Variants in DDX10 observed in about 807,000 individuals in gnomAD.
DDX10 encodes the protein probable ATP-dependent RNA helicase DDX10.
A neutral mutation model predicts 104.3 loss-of-function variants in DDX10; 74 were observed. That is an observed-to-expected ratio of 0.71 (90% CI 0.59 to 0.86). DDX10 has a LOEUF of 0.86. DDX10 is among the 40% of genes least tolerant of loss of function. DDX10 has a pLI of 0.00. For missense variants in DDX10, 952 were observed against 1,040.0 expected, an observed-to-expected ratio of 0.92 and a Z score of 1.16; for synonymous variants, 351 against 353.4, an observed-to-expected ratio of 0.99 and a Z score of 0.08.
At chr11:108,696,631 T>C (rs1219496772) in intron 9 of DDX10, among the ~76,000 whole-genome samples, 1 of 152,216 alleles carries the variant, frequency 6.6e-6, no homozygotes, top group African/African-American at 2.4e-5. Flanking sequence ...TCTGTGCTCC[T>C]GTGGGCCTCT....
intron 9 of DDX10, among the ~76,000 whole-genome samples, chr11:108,699,517 GTCT>G (rs1157271191): frequency 2.0e-5 from 3 of 152,076 alleles, no homozygotes; most frequent in South Asian, 2.1e-4. Flanking sequence ...TTTTCATCTG[GTCT>G]TCTTCACAGG....
rs2094301078 is a variant in DDX10, at chr11:108,723,328, A to T, written c.1831A>T (p.Ser611Cys). The change falls in exon 13 of 18, where the codon AGT becomes TGT. Residue 611 changes from serine (S) to cysteine (C), a missense_variant. This residue lies in a region of DDX10 where 533 missense variants were observed against 534.1 expected (regional missense o/e 1.00). Coordinates refer to ENST00000322536, the MANE Select transcript of DDX10 (RefSeq NM_004398.4). ...GSQAPSLPNT[S>C]EAQKIKEVPT... is the part of the protein sequence containing the mutation. ...TCAAGCCCCATCTCTTCCTAACACC[A>T]GTGAGGCACAGAAGATCAAGGAAGT... 2.5e-6 allele frequency: 4 copies of T among 1,613,900 alleles called. No individual in the cohort carries two copies. In the Admixed American group the frequency reaches 5.0e-5, roughly 20 times the overall value.
At chr11:108,756,036 T>C (rs1191354993) in intron 13 of DDX10, among the ~76,000 whole-genome samples, 1 of 151,970 alleles carries the variant, frequency 6.6e-6, no homozygotes, top group African/African-American at 2.4e-5. Flanking sequence ...AAAGGAAATA[T>C]TCCAAAGTCA....
chr11:108,922,863 A>T (rs1374718251), intron 17 of DDX10, among the ~76,000 whole-genome samples: 1 of 152,264 alleles, frequency 6.6e-6, no homozygotes, highest in Non-Finnish European at 1.5e-5. Context: ...CCTCAAAAAC[A>T]GAGCTGTGAA....
chr11:108,898,469 C>T (rs1045293285), intron 16 of DDX10, among the ~76,000 whole-genome samples: 4 of 151,806 alleles, frequency 2.6e-5, no homozygotes, highest in African/African-American at 4.8e-5. Context: ...AAAGCAAGCT[C>T]TCAAGGATGT....
chr11:108,720,003 A>G (rs2094296309), intron 12 of DDX10, 118 bp downstream of exon 12: 1 of 686,624 alleles, frequency 1.5e-6, no homozygotes, highest in South Asian at 1.6e-5. Flanking sequence ...CCTGTGCTCC[A>G]GCAGTCCACC....
In DDX10 at chr11:108,885,998, G is replaced by A. The variant is rs542145054; in HGVS notation, c.2305-31875G>A. Among the ~76,000 whole-genome samples the A allele has an allele frequency of 2.6e-5, 4 of 152,226 alleles. 1 individual carries two copies. In the South Asian group the frequency reaches 8.3e-4, roughly 32 times the overall value. On this transcript the variant is annotated intron_variant, in intron 16 of 17. Coordinates refer to ENST00000322536, the MANE Select transcript of DDX10 (RefSeq NM_004398.4). ...TGAGCTGATCCATAAAGGAATAATT[G>A]GATTTGGACATGTCAAGGGAAGAAG...
intron 13 of DDX10, among the ~76,000 whole-genome samples, chr11:108,837,458 A>G (rs542455503): frequency 9.9e-5 from 15 of 152,048 alleles, no homozygotes; most frequent in Middle Eastern, 3.4e-3. Flanking sequence ...CCAACCCCCT[A>G]TCTCAGGGGG....
At chr11:108,748,424 C>T (rs1003899727) in intron 13 of DDX10, among the ~76,000 whole-genome samples, 1 of 152,168 alleles carries the variant, frequency 6.6e-6, no homozygotes, top group Non-Finnish European at 1.5e-5. Context: ...CACTGTCAAC[C>T]ATCCTGGCCA....
chr11:108,905,318 G>GA (rs1565314609), intron 16 of DDX10, among the ~76,000 whole-genome samples: 1 of 148,800 alleles, frequency 6.7e-6, no homozygotes, highest in Non-Finnish European at 1.5e-5. Context: ...TTTAAGGGGG[G>GA]GGGGGGTTGA....
intron 16 of DDX10, among the ~76,000 whole-genome samples, chr11:108,868,723 C>T (rs1863039991): frequency 6.6e-6 from 1 of 152,040 alleles, no homozygotes; most frequent in Admixed American, 6.5e-5. Context: ...ATATGGGCAA[C>T]AAAAGTCCTT....
chr11:108,715,953 A>G lies in DDX10; in HGVS notation c.1397A>G (p.Glu466Gly). ...TTAGCTCAAGATCAAGATTTAAAAG[A>G]AAGAGCTCAAAGGGTAAGTCATTTT... The part of the protein sequence containing the change: ...SILAQDQDLK[E>G]RAQRCFVSYV... Residue 466 changes from glutamate to glycine, a missense_variant, in exon 11 of 18, where the codon GAA (glutamate) becomes GGA (glycine). Glu to Gly is a moderately conservative substitution (Grantham distance 98). Around this residue, in one of 3 missense-constraint regions of DDX10, gnomAD observed 533 missense variants for 534.1 expected, o/e 1.00. Coordinates refer to ENST00000322536, the MANE Select transcript of DDX10 (RefSeq NM_004398.4). The G allele has an allele frequency of 6.5e-7, 1 of 1,538,648 alleles. No individual in the cohort carries two copies. Among genetic ancestry groups the G allele is most frequent in the Non-Finnish European group, 9.0e-7 (1 of 1,115,420 alleles).
intron 3 of DDX10, 132 bp downstream of exon 3, chr11:108,675,858 C>T: frequency 1.8e-6 from 2 of 1,139,180 alleles, no homozygotes; most frequent in Non-Finnish European, 2.5e-6. Context: ...CGAGCTTCAT[C>T]AAACAGGAGC....
intron 13 of DDX10, among the ~76,000 whole-genome samples, chr11:108,726,147 A>AC (rs1230646070): frequency 1.3e-5 from 2 of 152,150 alleles, no homozygotes; most frequent in East Asian, 3.9e-4. Context: ...GCTTTATACT[A>AC]AGTCTTAAAT....
intron 16 of DDX10, among the ~76,000 whole-genome samples, chr11:108,861,568 T>G (rs1236417591): frequency 1.3e-5 from 2 of 152,190 alleles, no homozygotes; most frequent in East Asian, 3.9e-4. Context: ...GATACTCTAT[T>G]TACATAAAGG....
chr11:108,744,198 TGA>T (rs1200762111), intron 13 of DDX10, among the ~76,000 whole-genome samples: 2 of 152,180 alleles, frequency 1.3e-5, no homozygotes, highest in African/African-American at 4.8e-5. Context: ...CATTGTAAGT[TGA>T]GAGAGAGGGT....
At chr11:108,700,742 G>A (rs2094266684) in intron 9 of DDX10, among the ~76,000 whole-genome samples, 1 of 152,100 alleles carries the variant, frequency 6.6e-6, no homozygotes, top group Non-Finnish European at 1.5e-5. Flanking sequence ...CTAAGCCTCA[G>A]TTTCTTCTCT....
chr11:108,908,572 G>T (rs976167548), intron 16 of DDX10, among the ~76,000 whole-genome samples: 20 of 152,138 alleles, frequency 1.3e-4, no homozygotes, highest in Non-Finnish European at 2.8e-4. Context: ...CTGTATTTAG[G>T]CTTCTAATAT....
At chr11:108,739,897 C>T (rs1438452075) in intron 13 of DDX10, among the ~76,000 whole-genome samples, 1 of 150,974 alleles carries the variant, frequency 6.6e-6, no homozygotes, top group African/African-American at 2.4e-5. Context: ...GTATGGTCCT[C>T]TCATATTATC....
Sources: gnomAD v4.1 joint callset for allele counts (sites outside exome capture counted in the v4.1 genomes callset) on GRCh38, gnomAD v4.1.1 for gene constraint, gnomAD v4.1.1 regional missense constraint, MANE v1.5 for transcripts, NCBI Gene and HGNC (gene_info 2026-07-23, HGNC 2026-07-21) for gene names.